PCDHGB3: variants seen among roughly 807,000 people sequenced by gnomAD.
The protein encoded by PCDHGB3 is protocadherin gamma subfamily B, 3.
In PCDHGB3, 40 loss-of-function variants were observed where a neutral mutation model predicts 59.2. The observed-to-expected ratio is 0.68, with a 90% confidence interval of 0.52 to 0.88. The LOEUF (loss-of-function observed/expected upper bound fraction) is 0.88. Among genes scored for constraint, PCDHGB3 ranks in the 40% least tolerant of loss-of-function variants. The pLI is 0.00. For missense variants in PCDHGB3, 1,309 were observed against 1,187.9 expected (o/e 1.10, Z -1.50); for synonymous variants, 581 against 503.6 (o/e 1.15, Z -2.06).
intron 1 of PCDHGB3, chr5:141,379,119 T>G (rs1179184154): frequency 6.6e-6 from 1 of 152,346 alleles, no homozygotes; most frequent in Admixed American, 6.5e-5. Flanking sequence ...AGAAGATACC[T>G]TGAAAATAAA....
intron 1 of PCDHGB3, among the ~76,000 whole-genome samples, chr5:141,438,002 A>G (rs200179547): frequency 1.3e-5 from 2 of 152,072 alleles, no homozygotes; most frequent in East Asian, 1.9e-4. Flanking sequence ...CAGCCTCCCA[A>G]ATAGCTGAGA....
chr5:141,467,912 G>A (rs879405529), intron 1 of PCDHGB3, among the ~76,000 whole-genome samples: 1 of 152,086 alleles, frequency 6.6e-6, no homozygotes, highest in Admixed American at 6.6e-5. Context: ...GCCCACCTCA[G>A]CCTCCCAAAA....
chr5:141,372,334 G>C lies in PCDHGB3; in HGVS notation c.1940G>C (p.Arg647Pro), dbSNP rs757971401. 6.2e-7 allele frequency: 1 copy of C among 1,613,648 alleles called. No individual in the cohort carries two copies. The highest frequency in any genetic ancestry group is 1.3e-5 in the African/African-American group (1 of 74,956). Residue 647 changes from arginine (R) to proline (P), a missense_variant, in exon 1 of 4, where the codon CGT becomes CCT. Transcript: ENST00000576222. ...CGCCAGCGCCTGCTGGTCACTGTGC[G>C]TGATGGAGGACAGCAGCCTCTTTCA... ...AARQRLLVTVRDGGQQPLSAT... is the reference protein window; with the variant it reads ...AARQRLLVTVPDGGQQPLSAT...
chr5:141,430,805 C>T (rs1445689047), intron 1 of PCDHGB3: 2 of 1,525,722 alleles, frequency 1.3e-6, no homozygotes, highest in Admixed American at 2.3e-5. Flanking sequence ...GCTTGTCCTG[C>T]TGGGAATCCT....
intron 1 of PCDHGB3, chr5:141,429,173 C>CA (rs1561839883): frequency 7.9e-6 from 1 of 125,872 alleles, no homozygotes; most frequent in Non-Finnish European, 1.7e-5. Flanking sequence ...TGTTTATACA[C>CA]ACACACACAC....
At chr5:141,406,436 T>C (rs1207276044) in intron 1 of PCDHGB3, among the ~76,000 whole-genome samples, 3 of 152,234 alleles carry the variant, frequency 2.0e-5, no homozygotes, top group Non-Finnish European at 4.4e-5. Context: ...TTGCTTCTAT[T>C]CTTCCATTTC....
At chr5:141,475,987 C>A in intron 1 of PCDHGB3, 2 of 1,101,540 alleles carry the variant, frequency 1.8e-6, no homozygotes, top group Non-Finnish European at 2.6e-6. Flanking sequence ...AGCCGGCGAG[C>A]AAATCAACGG....
In PCDHGB3 at chr5:141,511,188, C is replaced by A; in HGVS notation, c.*15C>A. 1 of 1,613,804 alleles carries A rather than the reference C, an allele frequency of 6.2e-7. No homozygotes were observed. ...AGAAGAAGTAACATGGAGGCCAGGC[C>A]AAGAGCCACAGGGCGGCCTCTCCCC... On this transcript the variant is annotated 3_prime_UTR_variant, in exon 4 of 4. Transcript: ENST00000576222.
rs761678477 is a variant in PCDHGB3 at position 141,370,569 on chromosome 5, G to A, written c.175G>A (p.Gly59Arg). ...CGCCAAGGACCTGGGGTTTGGCGTG[G>A]GGGATTTACCTACTAGGAACCTGCG... Reference protein sequence around the residue: ...NLAKDLGFGVGDLPTRNLRVI... With the variant: ...NLAKDLGFGVRDLPTRNLRVI... The change falls in exon 1 of 4, where the codon GGG (glycine) becomes AGG (arginine). Residue 59 changes from glycine (G) to arginine (R), a missense_variant. Physicochemically the swap from Gly to Arg is moderately radical, Grantham distance 125. Coordinates refer to ENST00000576222, the MANE Select transcript of PCDHGB3 (RefSeq NM_018924.5). 4 of 1,613,946 alleles carry A rather than the reference G, an allele frequency of 2.5e-6. No individual in the cohort carries two copies. The highest frequency in any genetic ancestry group is 1.6e-4 in the Middle Eastern group (1 of 6,062).
At chr5:141,440,165 A>G (rs935524872) in intron 1 of PCDHGB3, 2 of 152,300 alleles carry the variant, frequency 1.3e-5, no homozygotes, top group African/African-American at 4.8e-5. Flanking sequence ...AGCTTGGGCC[A>G]TAACGCTTTG....
At chr5:141,409,592 A>G in intron 1 of PCDHGB3, 1 of 1,613,898 alleles carries the variant, frequency 6.2e-7, no homozygotes, top group African/African-American at 1.3e-5. Flanking sequence ...CGTGGCCGAG[A>G]ACAACCCGCC....
At chr5:141,421,531 T>G (rs1318944446) in intron 1 of PCDHGB3, 1 of 1,613,904 alleles carries the variant, frequency 6.2e-7, no homozygotes, top group Non-Finnish European at 8.5e-7. Flanking sequence ...GACGGTGTCC[T>G]CCTGTTTTTT....
rs1554136305 is a variant in PCDHGB3, at chr5:141,450,006, CT to C, written c.2416-44783del. Reference sequence around the variant, plus strand: ...CACATTGCATTTAGTTGCCATGTCTCTTTTTTTTTTTTTTTTTTGAGACAGG... The same window carrying C: ...CACATTGCATTTAGTTGCCATGTCTCTTTTTTTTTTTTTTTTTGAGACAGG... On this transcript the variant is annotated intron_variant, in intron 1 of 3. Coordinates refer to ENST00000576222, the MANE Select transcript of PCDHGB3 (RefSeq NM_018924.5). Among the ~76,000 whole-genome samples, 140 of 132,944 alleles carry C rather than the reference CT, an allele frequency of 1.1e-3. 2 individuals are homozygous for C. In the Middle Eastern group the frequency reaches 0.016, roughly 15 times the overall value. 87.2% of individuals were successfully genotyped at this position (132,944 alleles called of 152,430 possible). A position where few individuals can be genotyped will look rare whatever the true frequency, so the allele number is the denominator to read the frequency against.
intron 1 of PCDHGB3, chr5:141,414,517 G>A: frequency 6.2e-7 from 1 of 1,613,964 alleles, no homozygotes; most frequent in Non-Finnish European, 8.5e-7. Context: ...ACAAGTGGCA[G>A]ATATCAATGA....
At position 141,399,531 on chromosome 5, in the gene PCDHGB3, G is replaced by T. The variant is rs771221717; in HGVS notation, c.2415+26722G>T. 24 of 1,614,052 alleles carry T rather than the reference G, an allele frequency of 1.5e-5. No homozygotes were observed. The South Asian group carries it at 2.0e-4, about 13-fold the overall frequency. ...ACAACCCTCCTGGGGCCTCCATCGC[G>T]CAAGTCTGCGCCTCGGACCTGGACT... On this transcript the variant is annotated intron_variant, in intron 1 of 3. Coordinates refer to ENST00000576222, the MANE Select transcript of PCDHGB3 (RefSeq NM_018924.5).
Position 141,486,446 on chromosome 5 carries a change from G to T in PCDHGB3, c.2416-8361G>T. ...GGCCAAATCTAGCTATGACATCATGGTCACTGCTTCTGATGCTGGGAACCC... is the reference window on the plus strand; with the variant it reads ...GGCCAAATCTAGCTATGACATCATGTTCACTGCTTCTGATGCTGGGAACCC... On this transcript the variant is annotated intron_variant, in intron 1 of 3. Coordinates refer to ENST00000576222, the MANE Select transcript of PCDHGB3 (RefSeq NM_018924.5). The surrounding 1 kb of genome is among the most constrained non-coding windows in gnomAD (Gnocchi z 5.0). 2 of 1,614,126 alleles carry T rather than the reference G, an allele frequency of 1.2e-6. No individual in the cohort carries two copies. Among genetic ancestry groups the T allele is most frequent in the Non-Finnish European group, 1.7e-6 (2 of 1,180,004 alleles).
At chr5:141,376,524 C>T (rs1772781654) in intron 1 of PCDHGB3, 1 of 1,613,718 alleles carries the variant, frequency 6.2e-7, no homozygotes, top group Admixed American at 1.7e-5. Flanking sequence ...TTCTTTCCGC[C>T]TAAGCGGGAA....
At chr5:141,378,836 C>T (rs912790603) in intron 1 of PCDHGB3, 1 of 152,138 alleles carries the variant, frequency 6.6e-6, no homozygotes, top group African/African-American at 2.4e-5. Flanking sequence ...CAGAAAACAG[C>T]AGAGTTTTTG....
At chr5:141,375,705 C>G (rs1257909608) in intron 1 of PCDHGB3, 26 of 1,614,162 alleles carry the variant, frequency 1.6e-5, no homozygotes, top group Non-Finnish European at 2.1e-5. Context: ...GGGGACCCGC[C>G]TCTTAGCAGC....
Sources: gnomAD v4.1 joint callset for allele counts (sites outside exome capture counted in the v4.1 genomes callset) on GRCh38, gnomAD v4.1.1 for gene constraint, Gnocchi (gnomAD v3.1) non-coding constraint, MANE v1.5 for transcripts, NCBI Gene and HGNC (gene_info 2026-07-23, HGNC 2026-07-21) for gene names.